The following STK26 variants were observed in gnomAD, a reference collection of about 807,000 sequenced individuals.
The protein encoded by STK26 is serine/threonine kinase 26.
A neutral mutation model predicts 34.7 loss-of-function variants in STK26; 14 were observed. That is an observed-to-expected ratio of 0.40 (90% confidence interval 0.27 to 0.63). The LOEUF is 0.63. Among genes scored for constraint, STK26 ranks in the 30% least tolerant of loss-of-function variants. The pLI is 0.38. For missense variants in STK26, 226 were observed against 309.1 expected (o/e 0.73, Z 2.02); for synonymous variants, 100 against 109.8 (o/e 0.91, Z 0.56).
intron 11 of STK26, 49 bp downstream of exon 11, chrX:132,073,142 T>C: frequency 9.0e-7 from 1 of 1,110,967 alleles, no homozygotes. Flanking sequence ...TTCTGTTGTA[T>C]GTTAATTTAT....
intron 8 of STK26, among the ~76,000 whole-genome samples, 194 bp downstream of exon 8, chrX:132,071,411 G>A (rs1927411666): frequency 8.9e-6 from 1 of 112,155 alleles, no homozygotes; most frequent in African/African-American, 3.2e-5. Context: ...TTTCTTGGAA[G>A]TGAATAGCTC....
chrX:132,043,150 C>A (rs1263708365), intron 2 of STK26, among the ~76,000 whole-genome samples: 1 of 111,835 alleles, frequency 8.9e-6, no homozygotes, highest in Non-Finnish European at 1.9e-5. Context: ...AGGCAGTGAG[C>A]AAATCAATTT....
rs1003298205 is a variant in STK26, at chrX:132,068,297, A to C, written c.413A>C (p.Glu138Ala). Reference protein sequence around the residue: ...ILKGLDYLHSEKKIHRDIKAA... With the variant: ...ILKGLDYLHSAKKIHRDIKAA... The stretch of plus-strand genomic sequence containing the variant: ...AAAGGTCTGGACTATCTGCATTCAG[A>C]AAAGAAAATTCACCGAGACATAAAA... Residue 138 changes from glutamate to alanine, a missense_variant, in exon 5 of 12, where the codon GAA becomes GCA. By Grantham distance (107) the Glu-to-Ala change is moderately radical. This residue lies in a region of STK26 where 100 missense variants were observed against 176.7 expected (regional missense o/e 0.57). Transcript: ENST00000394334. 8.3e-7 allele frequency: 1 copy of C among 1,205,884 alleles called. No individual in the cohort carries two copies. Among genetic ancestry groups the C allele is most frequent in the East Asian group, 3.0e-5 (1 of 33,817 alleles).
intron 2 of STK26, among the ~76,000 whole-genome samples, chrX:132,024,099 T>TGGCGGC (rs753601514): frequency 8.2e-5 from 9 of 110,347 alleles, no homozygotes; most frequent in Non-Finnish European, 1.5e-4. Context: ...ACACCAGGGG[T>TGGCGGC]GGCGGCGGCG....
intron 4 of STK26, 137 bp from the exon 5 acceptor site, chrX:132,068,078 G>A: frequency 2.4e-6 from 1 of 420,047 alleles, no homozygotes. Flanking sequence ...TTCCTTCCTT[G>A]TTTAGATATT....
intron 3 of STK26, among the ~76,000 whole-genome samples, chrX:132,056,085 C>G (rs1477259796): frequency 1.8e-5 from 2 of 111,649 alleles, no homozygotes; most frequent in Non-Finnish European, 3.8e-5. Flanking sequence ...TTTGTATTTT[C>G]TCGAAGTTTG....
intron 2 of STK26, among the ~76,000 whole-genome samples, chrX:132,045,070 C>G (rs1257699140): frequency 3.7e-5 from 4 of 107,878 alleles, no homozygotes; most frequent in Non-Finnish European, 5.7e-5. Flanking sequence ...GTATGAACCC[C>G]TTGACTTCCT....
rs1926808481 is a variant in STK26 at position 132,055,004 on chromosome X, A to C, written c.273+143A>C. On this transcript the variant is annotated intron_variant, in intron 3 of 11. Coordinates refer to ENST00000394334, the MANE Select transcript of STK26 (RefSeq NM_016542.4). Reference sequence around the variant, plus strand: ...AGAATCCAGCTCCATTTATAGTGCCAAATAAACCGTTGTTAGATTTAGCAG... The same window carrying C: ...AGAATCCAGCTCCATTTATAGTGCCCAATAAACCGTTGTTAGATTTAGCAG... 4 of 522,893 alleles carry C rather than the reference A, an allele frequency of 7.6e-6. No individual in the cohort carries two copies. The South Asian group carries it at 1.0e-4, about 13-fold the overall frequency. 43.1% of individuals were successfully genotyped at this position (522,893 alleles called of 1,213,427 possible). A position where few individuals can be genotyped will look rare whatever the true frequency, so the allele number is the denominator to read the frequency against.
In STK26 at chrX:132,063,508, T is replaced by C. The variant is rs1355993058; in HGVS notation, c.330+19T>C. 8.4e-7 allele frequency: 1 copy of C among 1,191,840 alleles called. No individual in the cohort carries two copies. On this transcript the variant is annotated intron_variant, in intron 4 of 11. Coordinates refer to ENST00000394334, the MANE Select transcript of STK26 (RefSeq NM_016542.4). The stretch of plus-strand genomic sequence containing the variant: ...GGATCTTGTAAGTATTTTAAAATAG[T>C]TACACACAGATGCAAATGTGTGCAT...
chrX:132,052,914 T>C (rs1159358326), intron 2 of STK26, among the ~76,000 whole-genome samples: 1 of 111,815 alleles, frequency 8.9e-6, no homozygotes, highest in Non-Finnish European at 1.9e-5. Context: ...CACCAAGCTA[T>C]GTAGTAAGTA....
At chrX:132,027,801 C>G (rs1385852001) in intron 2 of STK26, among the ~76,000 whole-genome samples, 1 of 110,921 alleles carries the variant, frequency 9.0e-6, no homozygotes, top group Non-Finnish European at 1.9e-5. Flanking sequence ...ATGAATGAAT[C>G]AACTGGAGGA....
intron 2 of STK26, among the ~76,000 whole-genome samples, chrX:132,031,915 A>G (rs1387237290): frequency 1.2e-4 from 13 of 111,768 alleles, no homozygotes; most frequent in Non-Finnish European, 2.3e-4. Context: ...TTGACAGCCA[A>G]CTCTACCCAC....
At chrX:132,030,253 T>C (rs1925781302) in intron 2 of STK26, among the ~76,000 whole-genome samples, 1 of 111,195 alleles carries the variant, frequency 9.0e-6, no homozygotes, top group African/African-American at 3.3e-5. Context: ...ATGAGCTTCA[T>C]TGCTTTCTTG....
chrX:132,052,879 G>A (rs993466252), intron 2 of STK26, among the ~76,000 whole-genome samples: 2 of 111,657 alleles, frequency 1.8e-5, no homozygotes, highest in African/African-American at 6.5e-5. Context: ...TTTTTCTAAA[G>A]GAAGTTATAA....
chrX:132,058,930 G>A (rs1465931674), intron 3 of STK26, among the ~76,000 whole-genome samples: 4 of 106,105 alleles, frequency 3.8e-5, no homozygotes, highest in Admixed American at 2.0e-4. Flanking sequence ...CATATGTCTT[G>A]AGACATATGT....
intron 2 of STK26, among the ~76,000 whole-genome samples, chrX:132,025,589 T>C (rs1298574473): frequency 2.7e-5 from 3 of 110,538 alleles, no homozygotes; most frequent in Non-Finnish European, 3.8e-5. Flanking sequence ...TGTGATTACT[T>C]TGTCCCACCT....
chrX:132,030,536 ACTTCTC>A (rs1425335916), intron 2 of STK26, among the ~76,000 whole-genome samples: 2 of 112,039 alleles, frequency 1.8e-5, no homozygotes, highest in Non-Finnish European at 3.8e-5. Context: ...TCAGTGCTTT[ACTTCTC>A]CATGGATATT....
chrX:132,069,410 CATATATATATATATATATATATATATAT>C lies in STK26; in HGVS notation c.598-53_598-26del, dbSNP rs57609807. 98 of 93,831 alleles carry C rather than the reference CATATATATATATATATATATATATATAT, an allele frequency of 1.0e-3. 20 individuals are homozygous for C. The highest frequency in any genetic ancestry group is 1.4e-3 in the Non-Finnish European group (81 of 58,890). 7.7% of individuals were successfully genotyped at this position (93,831 alleles called of 1,213,427 possible). A position where few individuals can be genotyped will look rare whatever the true frequency, so the allele number is the denominator to read the frequency against. On this transcript the variant is annotated intron_variant, in intron 6 of 11. Transcript: ENST00000394334. Reference sequence around the variant, plus strand: ...TTTCAAGGTGATATACATACATACACATATATATATATATATATATATATATATATATATATATATATTATTTTCTTTT... The same window carrying C: ...TTTCAAGGTGATATACATACATACACATATATATATATATTATTTTCTTTT...
At chrX:132,028,571 A>G (rs1000248310) in intron 2 of STK26, among the ~76,000 whole-genome samples, 5 of 111,989 alleles carry the variant, frequency 4.5e-5, no homozygotes, top group African/African-American at 1.6e-4. Flanking sequence ...ATGAAGGACT[A>G]GAGACATCAA....
Sources: gnomAD v4.1 joint callset for allele counts (sites outside exome capture counted in the v4.1 genomes callset) on GRCh38, gnomAD v4.1.1 for gene constraint, gnomAD v4.1.1 regional missense constraint, MANE v1.5 for transcripts, NCBI Gene and HGNC (gene_info 2026-07-23, HGNC 2026-07-21) for gene names.